The following SAMD12 variants were observed in gnomAD, a reference collection of about 807,000 sequenced individuals.
SAMD12 encodes sterile alpha motif domain containing 12.
In SAMD12, 9 loss-of-function variants were observed where a neutral mutation model predicts 15.0. That is an observed-to-expected ratio of 0.60 (90% CI 0.36 to 1.05). The LOEUF (loss-of-function observed/expected upper bound fraction) is 1.05. SAMD12 is among the 50% of genes least tolerant of loss of function. The pLI is 0.01. For missense variants in SAMD12, 230 were observed against 234.2 expected, an observed-to-expected ratio of 0.98 and a Z score of 0.12; for synonymous variants, 86 against 90.1, an observed-to-expected ratio of 0.96 and a Z score of 0.25.
At chr8:118,563,599 A>G (rs1015735008) in intron 2 of SAMD12, among the ~76,000 whole-genome samples, 1 of 152,224 alleles carries the variant, frequency 6.6e-6, no homozygotes, top group Non-Finnish European at 1.5e-5. Flanking sequence ...TCCCTCATAA[A>G]TATCCTGCTT....
chr8:118,340,843 C>G (rs1342088020), intron 4 of SAMD12, among the ~76,000 whole-genome samples: 5 of 152,134 alleles, frequency 3.3e-5, no homozygotes, highest in Non-Finnish European at 5.9e-5. Context: ...CATTATGACC[C>G]AAATTCCTAT....
the SAMD12 span, among the ~76,000 whole-genome samples, chr8:118,143,805 C>T: frequency 4.6e-5 from 7 of 152,158 alleles, no homozygotes; most frequent in African/African-American, 7.2e-5. Flanking sequence ...CACGAAAACA[C>T]GGAGAGGACT....
chr8:118,502,586 A>G (rs910662300), intron 2 of SAMD12, among the ~76,000 whole-genome samples: 3 of 152,260 alleles, frequency 2.0e-5, no homozygotes, highest in African/African-American at 7.2e-5. Flanking sequence ...CAGTGGATAC[A>G]AACCTGGAAT....
chr8:118,559,654 G>C (rs1338689570), intron 2 of SAMD12, among the ~76,000 whole-genome samples: 1 of 152,162 alleles, frequency 6.6e-6, no homozygotes, highest in Non-Finnish European at 1.5e-5. Context: ...CCTGGTCTCT[G>C]ATAACTGCTA....
At chr8:118,501,583 C>T (rs948305923) in intron 2 of SAMD12, among the ~76,000 whole-genome samples, 1 of 152,184 alleles carries the variant, frequency 6.6e-6, no homozygotes, top group African/African-American at 2.4e-5. Flanking sequence ...TTGGAAAGCA[C>T]CTTCACCATA....
At chr8:118,141,321 T>C in the SAMD12 span, among the ~76,000 whole-genome samples, 2 of 152,214 alleles carry the variant, frequency 1.3e-5, no homozygotes, top group Admixed American at 6.5e-5. Context: ...GTTCCTTACA[T>C]GTTTATGTGC....
At chr8:118,185,029 T>C (rs971656443), downstream of SAMD12, among the ~76,000 whole-genome samples, 1 of 152,128 alleles carries the variant, frequency 6.6e-6, no homozygotes, top group African/African-American at 2.4e-5. Flanking sequence ...TTGATGAAGT[T>C]ACCAACTGTG....
At chr8:118,280,610 A>G (rs949659568) in intron 4 of SAMD12, among the ~76,000 whole-genome samples, 3 of 152,200 alleles carry the variant, frequency 2.0e-5, no homozygotes, top group African/African-American at 7.2e-5. Flanking sequence ...AAATAAAACA[A>G]TGGTATATTA....
intron 2 of SAMD12, among the ~76,000 whole-genome samples, chr8:118,531,744 A>G (rs994834542): frequency 3.3e-5 from 5 of 152,306 alleles, no homozygotes; most frequent in Admixed American, 2.0e-4. Flanking sequence ...TTATTGGTGT[A>G]TAAGAATGCT....
the SAMD12 span, among the ~76,000 whole-genome samples, chr8:118,181,663 G>C: frequency 3.3e-5 from 5 of 152,304 alleles, no homozygotes; most frequent in Non-Finnish European, 7.3e-5. Context: ...CTAAGAGACT[G>C]AGCTAAACAG....
chr8:118,490,254 T>C (rs1824405113), intron 2 of SAMD12, among the ~76,000 whole-genome samples: 1 of 152,172 alleles, frequency 6.6e-6, no homozygotes, highest in Non-Finnish European at 1.5e-5. Flanking sequence ...AACCTATTTA[T>C]TGAGATGTGG....
chr8:118,242,073 A>G (rs964223221), intron 4 of SAMD12, among the ~76,000 whole-genome samples: 1 of 152,032 alleles, frequency 6.6e-6, no homozygotes, highest in Non-Finnish European at 1.5e-5. Context: ...CCACCAAACC[A>G]TGGCTAACTT....
intron 2 of SAMD12, among the ~76,000 whole-genome samples, chr8:118,539,988 G>A (rs962070783): frequency 2.0e-5 from 3 of 152,142 alleles, no homozygotes; most frequent in African/African-American, 4.8e-5. Context: ...TTCAGATGAT[G>A]GAGTACTATA....
chr8:118,578,383 C>T (rs1307137008), intron 2 of SAMD12, among the ~76,000 whole-genome samples: 1 of 152,020 alleles, frequency 6.6e-6, no homozygotes, highest in African/African-American at 2.4e-5. Flanking sequence ...AATTATTGGC[C>T]CCCTAATGGC....
chr8:118,495,208 C>T (rs117655845), intron 2 of SAMD12, among the ~76,000 whole-genome samples: 1 of 152,270 alleles, frequency 6.6e-6, no homozygotes, highest in Admixed American at 6.5e-5. Flanking sequence ...ATTGTGTCAA[C>T]TGAAGTCATC....
At chr8:118,360,049 C>T (rs1408565576) in intron 4 of SAMD12, among the ~76,000 whole-genome samples, 2 of 152,154 alleles carry the variant, frequency 1.3e-5, no homozygotes, top group African/African-American at 4.8e-5. Context: ...AAGCCATTCT[C>T]CTACCCTGCT....
chr8:118,286,326 A>C (rs1814013407), intron 4 of SAMD12, among the ~76,000 whole-genome samples: 1 of 152,030 alleles, frequency 6.6e-6, no homozygotes, highest in Admixed American at 6.6e-5. Context: ...TTAAAAAAAA[A>C]AGAAAGCAAG....
At chr8:118,301,177 T>G (rs1815004876) in intron 4 of SAMD12, among the ~76,000 whole-genome samples, 1 of 152,112 alleles carries the variant, frequency 6.6e-6, no homozygotes, top group Admixed American at 6.6e-5. Context: ...AAAGAAAAAC[T>G]TTTTGAAAAT....
intron 2 of SAMD12, among the ~76,000 whole-genome samples, chr8:118,501,133 T>C (rs1225463766): frequency 1.3e-5 from 2 of 152,220 alleles, no homozygotes; most frequent in Non-Finnish European, 2.9e-5. Context: ...CAATCTAGCA[T>C]GAGCTGTTCT....
Sources: allele counts gnomAD v4.1 joint callset (sites outside exome capture counted in the v4.1 genomes callset), GRCh38; gene constraint gnomAD v4.1.1; transcripts MANE v1.5; gene names NCBI Gene and HGNC (gene_info 2026-07-23, HGNC 2026-07-21).